Variants in TRAF3IP1 observed in about 807,000 individuals in gnomAD.
TRAF3IP1 encodes the protein intraflagellar transport 54, also known as TRAF3-interacting protein 1.
TRAF3IP1 carries 53 observed loss-of-function variants against 89.9 expected under a neutral mutation model. The ratio of observed to expected loss-of-function variants is 0.59; its 90% CI spans 0.47 to 0.74. TRAF3IP1 has a LOEUF of 0.74. Among genes scored for constraint, TRAF3IP1 ranks in the 30% least tolerant of loss-of-function variants. The pLI is 0.00. For synonymous variants in TRAF3IP1, 311 were observed against 322.1 expected, an observed-to-expected ratio of 0.97 and a Z score of 0.37; for missense variants, 806 against 866.1, an observed-to-expected ratio of 0.93 and a Z score of 0.87.
chr2:238,383,438 TGTCA>T (rs2106367373), intron 15 of TRAF3IP1, among the ~76,000 whole-genome samples: 1 of 152,366 alleles, frequency 6.6e-6, no homozygotes, highest in Admixed American at 6.5e-5. Context: ...GCATTGAGTC[TGTCA>T]GTCATCATCC....
At chr2:238,393,597 CCTCCTGTGT>C (rs1355033081) in intron 15 of TRAF3IP1, among the ~76,000 whole-genome samples, 17 of 152,280 alleles carry the variant, frequency 1.1e-4, no homozygotes, top group African/African-American at 4.1e-4. Flanking sequence ...AAGACTTTTT[CCTCCTGTGT>C]TTTTTATCTT....
rs138796270 is a variant in TRAF3IP1 at position 238,361,960 on chromosome 2, C to T, written c.1689+5880C>T. ...TTCCCACTCTCTCCTAACCCCATTC[C>T]AGGGAGGCCGCTGGCTCTCCACCTT... On this transcript the variant is annotated intron_variant, in intron 15 of 16. Transcript: ENST00000373327. Among the ~76,000 whole-genome samples the T allele has an allele frequency of 4.1e-3, 622 of 152,332 alleles. 3 individuals carry two copies. The highest frequency in any genetic ancestry group is 7.1e-3 in the Non-Finnish European group (486 of 68,036).
chr2:238,320,745 G>A lies in TRAF3IP1; in HGVS notation c.83G>A (p.Ser28Asn). The A allele has an allele frequency of 2.8e-6, 4 of 1,444,862 alleles. No individual in the cohort carries two copies. The highest frequency in any genetic ancestry group is 3.7e-6 in the Non-Finnish European group (4 of 1,087,162). 89.5% of individuals were successfully genotyped at this position (1,444,862 alleles called of 1,614,324 possible). Residue 28 changes from serine (S) to asparagine (N), a missense_variant, in exon 1 of 17, where the codon AGC becomes AAC. Ser to Asn is a conservative substitution (Grantham distance 46). This residue lies in a region of TRAF3IP1 where 732 missense variants were observed against 780.5 expected (regional missense o/e 0.94). Transcript: ENST00000373327. ...CCGCCGCTGACCGAGAAGCTGCTGA[G>A]CAAGCCCCCGTTCCGCTACCTGCAC... Reference protein sequence around the residue: ...RRPPLTEKLLSKPPFRYLHDI... With the variant: ...RRPPLTEKLLNKPPFRYLHDI...
intron 9 of TRAF3IP1, chr2:238,347,033 G>A (rs1698925195): frequency 6.0e-6 from 1 of 167,348 alleles, no homozygotes; most frequent in African/African-American, 2.4e-5. Context: ...CTATAAGATG[G>A]GCTGTTGTTG....
At chr2:238,332,621 C>G (rs1010515706) in intron 5 of TRAF3IP1, among the ~76,000 whole-genome samples, 1 of 152,150 alleles carries the variant, frequency 6.6e-6, no homozygotes, top group Admixed American at 6.5e-5. Context: ...GGGAAGAGAT[C>G]TCCCTGCCAT....
rs1312473442 is a variant in TRAF3IP1 at position 238,345,372 on chromosome 2, T to G, written c.1261+774T>G. ...TGGCAGTCTGGGACGGGAGGGGCCT[T>G]GGTTGGTGAGGGTGGCCCAGAAAGC... is the stretch of plus-strand genomic sequence containing the variant. On this transcript the variant is annotated intron_variant, in intron 9 of 16. Transcript: ENST00000373327. This position sits in a 1 kb window ranked among gnomAD's most constrained non-coding sequence, Gnocchi z 4.7. 6.6e-6 allele frequency among the ~76,000 whole-genome samples: 1 copy of G among 152,028 alleles called. No homozygotes were observed. Among genetic ancestry groups the G allele is most frequent in the Non-Finnish European group, 1.5e-5 (1 of 67,988 alleles).
intron 8 of TRAF3IP1, among the ~76,000 whole-genome samples, chr2:238,340,159 A>T (rs1698572790): frequency 6.6e-6 from 1 of 152,098 alleles, no homozygotes. Context: ...CTGCTCCCCT[A>T]GGGTCCTGCC....
At position 238,354,218 on chromosome 2, in the gene TRAF3IP1, C is replaced by G. The variant is rs138247013; in HGVS notation, c.1612+1009C>G. On this transcript the variant is annotated intron_variant, in intron 14 of 16. Transcript: ENST00000373327. The stretch of plus-strand genomic sequence containing the variant: ...GCCTTTAGACACATCCCAGTACACT[C>G]TTTAGCTTCCTTGTTTTCTGATACG... Among the ~76,000 whole-genome samples, 128 of 152,316 alleles carry G rather than the reference C, an allele frequency of 8.4e-4. 1 individual carries two copies. The East Asian group carries it at 0.013, about 16-fold the overall frequency.
chr2:238,393,920 C>T (rs1229829778), intron 15 of TRAF3IP1, among the ~76,000 whole-genome samples: 1 of 152,184 alleles, frequency 6.6e-6, no homozygotes, highest in Admixed American at 6.5e-5. Flanking sequence ...AGACTTGAAG[C>T]CTACGCGGTG....
At chr2:238,385,841 G>GT (rs1700746207) in intron 15 of TRAF3IP1, among the ~76,000 whole-genome samples, 1 of 152,048 alleles carries the variant, frequency 6.6e-6, no homozygotes, top group African/African-American at 2.4e-5. Flanking sequence ...TTGCACCGCT[G>GT]TTTTTTAAGT....
At chr2:238,339,322 A>G (rs1698528562) in intron 8 of TRAF3IP1, among the ~76,000 whole-genome samples, 2 of 152,182 alleles carry the variant, frequency 1.3e-5, no homozygotes, top group African/African-American at 2.4e-5. Flanking sequence ...GCGGAGGAAA[A>G]GGTGACTGAG....
chr2:238,338,655 T>C (rs1698496830), intron 8 of TRAF3IP1, among the ~76,000 whole-genome samples, 198 bp downstream of exon 8: 6 of 152,252 alleles, frequency 3.9e-5, no homozygotes, highest in Admixed American at 3.9e-4. Flanking sequence ...CTTTATTAAC[T>C]CAGCTTTTAG....
rs1040552022 is a variant in TRAF3IP1 at position 238,351,357 on chromosome 2, A to G, written c.1452-1470A>G. On this transcript the variant is annotated intron_variant, in intron 12 of 16. Transcript: ENST00000373327. The surrounding 1 kb of genome is among the most constrained non-coding windows in gnomAD (Gnocchi z 5.2). Reference sequence around the variant, plus strand: ...AGCAATGATGGGGTCGAGGGTGACAAGATTTAAAGTTGGCAGTTTTTAGGG... The same window carrying G: ...AGCAATGATGGGGTCGAGGGTGACAGGATTTAAAGTTGGCAGTTTTTAGGG... Among the ~76,000 whole-genome samples, 1 of 151,954 alleles carries G rather than the reference A, an allele frequency of 6.6e-6. No homozygotes were observed. Among genetic ancestry groups the G allele is most frequent in the Admixed American group, 6.5e-5 (1 of 15,272 alleles).
At chr2:238,366,421 T>C (rs540694847) in intron 15 of TRAF3IP1, among the ~76,000 whole-genome samples, 2 of 152,018 alleles carry the variant, frequency 1.3e-5, no homozygotes, top group African/African-American at 4.8e-5. Context: ...ATGATAAGGA[T>C]AAAATATGAG....
At position 238,338,007 on chromosome 2, in the gene TRAF3IP1, C is replaced by T. The variant is rs76872624; in HGVS notation, c.1064-355C>T. 3.5e-3 allele frequency among the ~76,000 whole-genome samples: 529 copies of T among 152,022 alleles called. 13 individuals are homozygous for T. In the East Asian group the frequency reaches 0.049, roughly 14 times the overall value. On this transcript the variant is annotated intron_variant, in intron 7 of 16. Transcript: ENST00000373327. ...CTTTGCGCAGTAATTAGTCCAGGGG[C>T]GTGTGTAGGTAGGAAAGGACGTGGT...
intron 15 of TRAF3IP1, 66 bp from the exon 16 acceptor site, chr2:238,397,393 C>A: frequency 1.4e-6 from 2 of 1,438,538 alleles, no homozygotes; most frequent in Non-Finnish European, 1.9e-6. Flanking sequence ...GTGCTGAGTG[C>A]ACCGGCCCTG....
chr2:238,382,512 G>C (rs1700589087), intron 15 of TRAF3IP1, among the ~76,000 whole-genome samples: 3 of 152,216 alleles, frequency 2.0e-5, no homozygotes, highest in Non-Finnish European at 2.9e-5. Context: ...GTTGTCATTT[G>C]CATCTGGAGG....
At chr2:238,356,369 T>C (rs1167175985) in intron 15 of TRAF3IP1, among the ~76,000 whole-genome samples, 1 of 152,134 alleles carries the variant, frequency 6.6e-6, no homozygotes, top group Non-Finnish European at 1.5e-5. Context: ...TGGTGGCGCA[T>C]GCCTGTAGTC....
rs1453389900 is a variant in TRAF3IP1, at chr2:238,379,477, G to A, written c.1690-17982G>A. ...ACAGACACCTGCTCGTGTGAAGGCGGCAGCGTGGTGCCATCACTTGGGTAT... is the reference window on the plus strand; with the variant it reads ...ACAGACACCTGCTCGTGTGAAGGCGACAGCGTGGTGCCATCACTTGGGTAT... On this transcript the variant is annotated intron_variant, in intron 15 of 16. Coordinates refer to ENST00000373327, the MANE Select transcript of TRAF3IP1 (RefSeq NM_015650.4). This position sits in a 1 kb window ranked among gnomAD's most constrained non-coding sequence, Gnocchi z 4.0. Among the ~76,000 whole-genome samples the A allele has an allele frequency of 6.6e-6, 1 of 152,252 alleles. No individual in the cohort carries two copies. Among genetic ancestry groups the A allele is most frequent in the Non-Finnish European group, 1.5e-5 (1 of 68,046 alleles).
Sources: allele counts gnomAD v4.1 joint callset (sites outside exome capture counted in the v4.1 genomes callset), GRCh38; gene constraint gnomAD v4.1.1; regional missense constraint gnomAD v4.1.1; non-coding constraint Gnocchi (gnomAD v3.1); transcripts MANE v1.5; gene names NCBI Gene and HGNC (gene_info 2026-07-23, HGNC 2026-07-21).